Variants in PHKB observed in about 807,000 individuals in gnomAD.
PHKB encodes phosphorylase kinase regulatory subunit beta.
PHKB carries 122 observed loss-of-function variants against 152.1 expected under a neutral mutation model. The ratio of observed to expected loss-of-function variants is 0.80; its 90% CI spans 0.69 to 0.93. The LOEUF is 0.93. PHKB is among the 40% of genes least tolerant of loss of function. PHKB has a pLI of 0.00. For missense variants in PHKB, 1,304 were observed against 1,328.4 expected, an observed-to-expected ratio of 0.98 and a Z score of 0.29; for synonymous variants, 436 against 464.9, an observed-to-expected ratio of 0.94 and a Z score of 0.80.
intron 26 of PHKB, among the ~76,000 whole-genome samples, chr16:47,681,990 T>A (rs1031440267): frequency 6.6e-6 from 1 of 152,192 alleles, no homozygotes; most frequent in Non-Finnish European, 1.5e-5. Flanking sequence ...TCTCAGCTTG[T>A]CTGTAAAGTA....
intron 5 of PHKB, among the ~76,000 whole-genome samples, chr16:47,513,513 C>T (rs947875888): frequency 3.9e-5 from 6 of 152,198 alleles, no homozygotes; most frequent in Admixed American, 2.0e-4. Context: ...ATCCAATGGA[C>T]TCTTGACTGC....
chr16:47,687,731 C>T (rs929818648), intron 26 of PHKB, among the ~76,000 whole-genome samples: 5 of 152,142 alleles, frequency 3.3e-5, no homozygotes, highest in Non-Finnish European at 7.4e-5. Flanking sequence ...AGACTAAACT[C>T]CCAACTTCCA....
At chr16:47,488,721 T>G (rs1018563858) in intron 1 of PHKB, among the ~76,000 whole-genome samples, 1 of 152,230 alleles carries the variant, frequency 6.6e-6, no homozygotes, top group African/African-American at 2.4e-5. Flanking sequence ...CCAATGCTTG[T>G]TTTCTTCAAT....
At chr16:47,525,190 G>T (rs1970746148) in intron 6 of PHKB, among the ~76,000 whole-genome samples, 1 of 152,284 alleles carries the variant, frequency 6.6e-6, no homozygotes, top group East Asian at 1.9e-4. Context: ...AGGAGAGGGA[G>T]AATTCCCCAA....
chr16:47,484,051 A>G (rs529803672), intron 1 of PHKB, among the ~76,000 whole-genome samples: 19 of 152,324 alleles, frequency 1.2e-4, no homozygotes, highest in African/African-American at 3.4e-4. Context: ...CACAGAAATC[A>G]TACAAAATCA....
intron 13 of PHKB, among the ~76,000 whole-genome samples, chr16:47,604,728 G>T (rs1972293180): frequency 6.6e-6 from 1 of 151,766 alleles, no homozygotes; most frequent in African/African-American, 2.4e-5. Flanking sequence ...TTTTACGCTG[G>T]ACAGTTTTTG....
chr16:47,628,915 A>T (rs1338484799), intron 14 of PHKB, among the ~76,000 whole-genome samples: 1 of 152,068 alleles, frequency 6.6e-6, no homozygotes, highest in Non-Finnish European at 1.5e-5. Context: ...AAAAACAAGC[A>T]ATGGGGAAAG....
chr16:47,476,106 G>A (rs1217280548), intron 1 of PHKB, among the ~76,000 whole-genome samples: 1 of 151,728 alleles, frequency 6.6e-6, no homozygotes, highest in African/African-American at 2.4e-5. Flanking sequence ...CTGTCCTCAA[G>A]CAATCCTTTC....
chr16:47,697,634 A>G (rs1173167892), intron 29 of PHKB, among the ~76,000 whole-genome samples: 1 of 152,220 alleles, frequency 6.6e-6, no homozygotes, highest in Non-Finnish European at 1.5e-5. Context: ...TTTTTGAAGC[A>G]TCGAGATAAA....
intron 26 of PHKB, among the ~76,000 whole-genome samples, chr16:47,670,148 C>CT (rs1973613448): frequency 6.6e-6 from 1 of 152,094 alleles, no homozygotes; most frequent in African/African-American, 2.4e-5. Flanking sequence ...ATAAATGTTT[C>CT]TTTTTTAAAT....
chr16:47,487,403 G>A (rs1050309773), intron 1 of PHKB, among the ~76,000 whole-genome samples: 1 of 122,614 alleles, frequency 8.2e-6, no homozygotes, highest in Non-Finnish European at 1.7e-5. Context: ...ATATTATTAG[G>A]TACAAGAGTT....
chr16:47,516,463 C>T (rs1347403583), intron 6 of PHKB, among the ~76,000 whole-genome samples: 3 of 152,162 alleles, frequency 2.0e-5, no homozygotes, highest in African/African-American at 4.8e-5. Context: ...CAAGCACATG[C>T]GCTGATGTAC....
intron 12 of PHKB, among the ~76,000 whole-genome samples, chr16:47,594,952 C>G (rs896565227): frequency 2.0e-5 from 3 of 152,104 alleles, no homozygotes; most frequent in Non-Finnish European, 4.4e-5. Flanking sequence ...ACAGATATCT[C>G]AGAGTAAATA....
intron 13 of PHKB, among the ~76,000 whole-genome samples, chr16:47,601,050 T>G (rs1343546337): frequency 6.6e-6 from 1 of 152,100 alleles, no homozygotes; most frequent in Non-Finnish European, 1.5e-5. Context: ...CAGGCTAGTC[T>G]CGAACTCCTG....
At chr16:47,477,842 C>T (rs928414992) in intron 1 of PHKB, among the ~76,000 whole-genome samples, 1 of 152,156 alleles carries the variant, frequency 6.6e-6, no homozygotes, top group African/African-American at 2.4e-5. Context: ...AAATGTAAGT[C>T]ACCAGTAGCA....
intron 14 of PHKB, among the ~76,000 whole-genome samples, chr16:47,633,180 A>T (rs771306467): frequency 2.6e-5 from 4 of 152,148 alleles, no homozygotes; most frequent in Non-Finnish European, 4.4e-5. Flanking sequence ...ACACTCTTTT[A>T]TAGTGTATAT....
chr16:47,570,096 G>A (rs1597093283), intron 7 of PHKB, among the ~76,000 whole-genome samples: 1 of 152,274 alleles, frequency 6.6e-6, no homozygotes, highest in East Asian at 1.9e-4. Context: ...TTCTGTTTGA[G>A]GAGACTAAAG....
intron 1 of PHKB, among the ~76,000 whole-genome samples, chr16:47,495,079 T>C (rs1361481359): frequency 1.3e-5 from 2 of 152,276 alleles, no homozygotes; most frequent in East Asian, 3.9e-4. Context: ...TTTTACCCTT[T>C]TCTGCTATGC....
intron 6 of PHKB, among the ~76,000 whole-genome samples, chr16:47,544,740 T>C (rs1235849133): frequency 6.6e-6 from 1 of 152,198 alleles, no homozygotes; most frequent in Non-Finnish European, 1.5e-5. Context: ...TTTGTAAGTC[T>C]CTAAGGACTT....
Sources: allele counts gnomAD v4.1 joint callset (sites outside exome capture counted in the v4.1 genomes callset), GRCh38; gene constraint gnomAD v4.1.1; transcripts MANE v1.5; gene names NCBI Gene and HGNC (gene_info 2026-07-23, HGNC 2026-07-21).